The following LPP variants were observed in gnomAD, a reference collection of about 807,000 sequenced individuals.
LPP encodes the protein LIM domain containing preferred translocation partner in lipoma, also known as lipoma-preferred partner.
LPP carries 38 observed loss-of-function variants against 60.4 expected under a neutral mutation model. The observed-to-expected ratio is 0.63, with a 90% CI of 0.49 to 0.83. The LOEUF (loss-of-function observed/expected upper bound fraction) is 0.83, where lower values mean the gene tolerates loss of function less well. LPP is among the 40% of genes least tolerant of loss of function. The pLI, the probability that LPP is intolerant of heterozygous loss-of-function variation, is 0.00. For missense variants in LPP, 902 were observed against 783.6 expected, an observed-to-expected ratio of 1.15 and a Z score of -1.80; for synonymous variants, 328 against 290.8, an observed-to-expected ratio of 1.13 and a Z score of -1.30.
chr3:188,299,203 G>A lies in LPP; in HGVS notation c.-66-42460G>A, dbSNP rs563514363. On this transcript the variant is annotated intron_variant, in intron 2 of 11. Transcript: ENST00000617246. ...CCCTGGGCTTTTTTGTGTGTGCTGC[G>A]TGGAGACTGTGTTCTAACATTTCAG... is the stretch of plus-strand genomic sequence containing the variant. 3.3e-5 allele frequency among the ~76,000 whole-genome samples: 5 copies of A among 152,252 alleles called. No homozygotes were observed. In the East Asian group the frequency reaches 5.8e-4, roughly 18 times the overall value.
At chr3:188,295,083 G>C (rs114599028) in intron 2 of LPP, among the ~76,000 whole-genome samples, 1 of 152,214 alleles carries the variant, frequency 6.6e-6, no homozygotes, top group Non-Finnish European at 1.5e-5. Context: ...GCCGGTGGAC[G>C]TGTGTAGAGG....
At chr3:188,310,329 G>A (rs531562529) in intron 2 of LPP, among the ~76,000 whole-genome samples, 2 of 151,848 alleles carry the variant, frequency 1.3e-5, no homozygotes, top group East Asian at 3.9e-4. Flanking sequence ...GCAGGTGACT[G>A]TGTGTATTCT....
intron 4 of LPP, among the ~76,000 whole-genome samples, chr3:188,440,411 A>G (rs1793480018): frequency 3.3e-5 from 5 of 152,200 alleles, no homozygotes; most frequent in Non-Finnish European, 7.4e-5. Flanking sequence ...TCATTAATAA[A>G]TGATCTTACA....
At chr3:188,679,569 G>GCA (rs1210615334) in intron 7 of LPP, among the ~76,000 whole-genome samples, 23 of 150,566 alleles carry the variant, frequency 1.5e-4, no homozygotes, top group Middle Eastern at 3.4e-3. Flanking sequence ...GTGTGCGCGC[G>GCA]CGCATGTTTA....
At chr3:188,361,866 C>G (rs1360061649) in intron 3 of LPP, among the ~76,000 whole-genome samples, 2 of 152,146 alleles carry the variant, frequency 1.3e-5, no homozygotes, top group Non-Finnish European at 2.9e-5. Context: ...CTGTGCCTAG[C>G]CCCTCTAGGT....
intron 4 of LPP, among the ~76,000 whole-genome samples, chr3:188,465,673 C>G (rs1462400071): frequency 6.6e-6 from 1 of 152,118 alleles, no homozygotes; most frequent in Non-Finnish European, 1.5e-5. Flanking sequence ...ACCTTTAGCT[C>G]TATTCAGAAG....
chr3:188,506,566 G>A lies in LPP; in HGVS notation c.307-18099G>A, dbSNP rs139162685. Among the ~76,000 whole-genome samples, 104 of 152,232 alleles carry A rather than the reference G, an allele frequency of 6.8e-4. No individual in the cohort carries two copies. The East Asian group carries it at 0.01, about 15-fold the overall frequency. Reference sequence around the variant, plus strand: ...AATCGTAGAGCACCAGATTTGACATGGTCCTAACCCCTCTGCCCTTTCTTG... The same window carrying A: ...AATCGTAGAGCACCAGATTTGACATAGTCCTAACCCCTCTGCCCTTTCTTG... On this transcript the variant is annotated intron_variant, in intron 5 of 11. Transcript: ENST00000617246.
chr3:188,367,905 C>A (rs767255068), intron 3 of LPP, among the ~76,000 whole-genome samples: 1 of 152,154 alleles, frequency 6.6e-6, no homozygotes, highest in Non-Finnish European at 1.5e-5. Flanking sequence ...TTCTGTGGAA[C>A]ATTCTTTGGA....
intron 5 of LPP, among the ~76,000 whole-genome samples, chr3:188,490,381 G>T (rs191209938): frequency 1.3e-5 from 2 of 152,266 alleles, no homozygotes; most frequent in African/African-American, 4.8e-5. Flanking sequence ...TGTGTATGAT[G>T]AATAGTGGCT....
chr3:188,342,637 GTATGT>G (rs1049070419), intron 3 of LPP, among the ~76,000 whole-genome samples: 5 of 152,110 alleles, frequency 3.3e-5, no homozygotes. Context: ...AATTCCTTTG[GTATGT>G]TATATCTATG....
rs1323785772 is a variant in LPP, at chr3:188,879,050, C to G, written c.*4571C>G. The G allele has an allele frequency of 4.4e-6, 1 of 228,268 alleles. No individual in the cohort carries two copies. Among genetic ancestry groups the G allele is most frequent in the Non-Finnish European group, 8.7e-6 (1 of 114,990 alleles). The allele number at this position is 228,268 out of a possible 1,614,324, so 14.1% of individuals were successfully genotyped here. On this transcript the variant is annotated 3_prime_UTR_variant, in exon 12 of 12. Transcript: ENST00000617246. ...TGTATTTGCTTAATAGTGGTCCAGA[C>G]AAGTTCAAAACTTGTTCTCAGTGAG...
chr3:188,708,596 T>C (rs1865947639), intron 8 of LPP: 2 of 661,546 alleles, frequency 3.0e-6, no homozygotes, highest in Admixed American at 2.9e-5. Flanking sequence ...TAGCTTATAC[T>C]AAAATTTCAG....
intron 1 of LPP, chr3:188,179,241 G>A (rs754071797): frequency 3.1e-5 from 14 of 457,716 alleles, no homozygotes; most frequent in Non-Finnish European, 4.4e-5. Flanking sequence ...TGGAATCTTC[G>A]GCTGTGGCCT....
intron 1 of LPP, chr3:188,179,327 C>T (rs1025734628): frequency 2.2e-6 from 1 of 458,214 alleles, no homozygotes; most frequent in Non-Finnish European, 4.4e-6. Flanking sequence ...AGCCCTTCAT[C>T]ACAGCTCTGC....
chr3:188,222,000 T>C (rs937159277), intron 1 of LPP, among the ~76,000 whole-genome samples: 1 of 152,192 alleles, frequency 6.6e-6, no homozygotes, highest in Non-Finnish European at 1.5e-5. Context: ...AGATATTGGA[T>C]GAGTGTCTAA....
At chr3:188,761,702 A>G (rs939086675) in intron 9 of LPP, among the ~76,000 whole-genome samples, 2 of 152,214 alleles carry the variant, frequency 1.3e-5, no homozygotes, top group Admixed American at 1.3e-4. Flanking sequence ...TCCTAAACAT[A>G]AAGATAAACA....
At chr3:188,475,821 T>C (rs1194699942) in intron 4 of LPP, among the ~76,000 whole-genome samples, 2 of 152,182 alleles carry the variant, frequency 1.3e-5, no homozygotes, top group Non-Finnish European at 1.5e-5. Flanking sequence ...GAGAATGGCC[T>C]GAACCCGGGA....
chr3:188,433,659 A>G (rs1791578503), intron 4 of LPP, among the ~76,000 whole-genome samples: 1 of 150,052 alleles, frequency 6.7e-6, no homozygotes, highest in South Asian at 2.1e-4. Flanking sequence ...AGGGAGAGAG[A>G]GGAAAGGGAG....
chr3:188,341,748 A>G, intron 3 of LPP, 29 bp downstream of exon 3: 1 of 911,346 alleles, frequency 1.1e-6, no homozygotes, highest in Non-Finnish European at 1.3e-6. Context: ...CTTCTTGTTT[A>G]TGAAATACTA....
Sources: gnomAD v4.1 joint callset for allele counts (sites outside exome capture counted in the v4.1 genomes callset) on GRCh38, gnomAD v4.1.1 for gene constraint, MANE v1.5 for transcripts, NCBI Gene and HGNC (gene_info 2026-07-23, HGNC 2026-07-21) for gene names.